Variants in AGBL1 observed in about 807,000 individuals in gnomAD.
AGBL1 encodes cytosolic carboxypeptidase 4.
Under a neutral mutation model 118.9 loss-of-function variants are expected in AGBL1, and 130 were observed. The observed-to-expected ratio is 1.09, with a 90% CI of 0.95 to 1.26. The LOEUF (loss-of-function observed/expected upper bound fraction) is 1.26. Ranked by LOEUF, AGBL1 falls within the 50% of genes most tolerant of loss-of-function variation. AGBL1 has a pLI of 0.00. For missense variants in AGBL1, 1,584 were observed against 1,298.1 expected (o/e 1.22, Z -3.38); for synonymous variants, 555 against 478.9 (o/e 1.16, Z -2.08).
chr15:86,567,895 G>A (rs898515175), intron 21 of AGBL1, among the ~76,000 whole-genome samples: 9 of 152,092 alleles, frequency 5.9e-5, no homozygotes, highest in African/African-American at 2.2e-4. Flanking sequence ...GCTGCCCAGA[G>A]ACCAGTTACT....
At chr15:86,803,527 G>T (rs970000834) in intron 22 of AGBL1, among the ~76,000 whole-genome samples, 1 of 152,066 alleles carries the variant, frequency 6.6e-6, no homozygotes, top group East Asian at 1.9e-4. Flanking sequence ...TATTTATCCT[G>T]CCTCGTTTCA....
At chr15:86,227,265 A>G (rs139042430) in intron 6 of AGBL1, among the ~76,000 whole-genome samples, 1,889 of 152,356 alleles carry the variant, frequency 0.012, 24 homozygotes, top group East Asian at 0.058. Flanking sequence ...TTAGTGTCCC[A>G]CTAGGAGGAT....
intron 18 of AGBL1, among the ~76,000 whole-genome samples, chr15:86,475,144 G>A (rs890598340): frequency 1.3e-5 from 2 of 152,118 alleles, no homozygotes; most frequent in African/African-American, 2.4e-5. Flanking sequence ...CAGAAAAGCT[G>A]AAAATTCTAA....
At chr15:86,517,153 G>C (rs1021722821) in intron 18 of AGBL1, among the ~76,000 whole-genome samples, 1 of 152,238 alleles carries the variant, frequency 6.6e-6, no homozygotes, top group South Asian at 2.1e-4. Context: ...CTCTGCTCCA[G>C]ATGAGATGCT....
chr15:86,835,570 G>T lies in AGBL1; in HGVS notation c.3159-71517G>T, dbSNP rs1365600209. 2.0e-5 allele frequency among the ~76,000 whole-genome samples: 3 copies of T among 152,000 alleles called. No homozygotes were observed. In the East Asian group the frequency reaches 5.8e-4, roughly 29 times the overall value. ...TGTCTATGGTGTTTCTGGTAAGCAGGTTCAAAAAAAGGGAGGAGAGAGAGA... is the reference window on the plus strand; with the variant it reads ...TGTCTATGGTGTTTCTGGTAAGCAGTTTCAAAAAAAGGGAGGAGAGAGAGA... On this transcript the variant is annotated intron_variant, in intron 22 of 22. Transcript: ENST00000614907.
At chr15:86,387,048 G>C (rs1194887420) in intron 17 of AGBL1, among the ~76,000 whole-genome samples, 2 of 152,070 alleles carry the variant, frequency 1.3e-5, no homozygotes, top group Non-Finnish European at 2.9e-5. Context: ...AGAGAAATAA[G>C]GTATGGAAAG....
At chr15:86,306,106 G>T (rs901150950) in intron 17 of AGBL1, among the ~76,000 whole-genome samples, 2 of 152,014 alleles carry the variant, frequency 1.3e-5, no homozygotes, top group African/African-American at 4.8e-5. Flanking sequence ...TGTGAAATAA[G>T]CACATCATGG....
chr15:86,768,943 A>G (rs745796867), intron 22 of AGBL1, among the ~76,000 whole-genome samples: 5 of 151,972 alleles, frequency 3.3e-5, no homozygotes, highest in Non-Finnish European at 7.4e-5. Context: ...CAGACACTGT[A>G]AAGGGTGTGA....
chr15:86,099,297 A>G (rs1896569305), intron 1 of AGBL1, among the ~76,000 whole-genome samples: 1 of 152,086 alleles, frequency 6.6e-6, no homozygotes, highest in Non-Finnish European at 1.5e-5. Flanking sequence ...TTTATTCCCA[A>G]GTATTTTATG....
rs533591511 is a variant in AGBL1 at position 86,182,148 on chromosome 15, A to T, written c.488+23122A>T. Among the ~76,000 whole-genome samples the T allele has an allele frequency of 3.3e-5, 5 of 152,176 alleles. No individual in the cohort carries two copies. The South Asian group carries it at 1.0e-3, about 32-fold the overall frequency. On this transcript the variant is annotated intron_variant, in intron 5 of 22. Coordinates refer to ENST00000614907, the MANE Select transcript of AGBL1 (RefSeq NM_001386094.1). ...TGGGACAAATAATTGGTTGGATATT[A>T]ATATAAGGTAACATTTGAGACGAGT...
intron 22 of AGBL1, among the ~76,000 whole-genome samples, chr15:86,801,061 A>G (rs890331994): frequency 6.6e-6 from 1 of 152,074 alleles, no homozygotes; most frequent in Admixed American, 6.6e-5. Context: ...TTGCCTTCAG[A>G]CAAAAAAACT....
chr15:86,315,289 T>C (rs1254049143), intron 17 of AGBL1, among the ~76,000 whole-genome samples: 5 of 152,200 alleles, frequency 3.3e-5, no homozygotes, highest in Non-Finnish European at 5.9e-5. Context: ...GCACTCACAT[T>C]TGGGCTTTCT....
At chr15:86,147,283 G>A (rs1354121858) in intron 3 of AGBL1, among the ~76,000 whole-genome samples, 1 of 152,182 alleles carries the variant, frequency 6.6e-6, no homozygotes, top group East Asian at 1.9e-4. Flanking sequence ...TGCAGCCCAT[G>A]GAGGGCAAGC....
intron 18 of AGBL1, among the ~76,000 whole-genome samples, chr15:86,412,046 C>A (rs1265031583): frequency 2.6e-5 from 4 of 152,306 alleles, no homozygotes; most frequent in African/African-American, 9.6e-5. Flanking sequence ...CTTGAAAAAT[C>A]TCTTTGTCAG....
At chr15:86,755,020 C>T (rs1319806930) in intron 22 of AGBL1, among the ~76,000 whole-genome samples, 1 of 152,042 alleles carries the variant, frequency 6.6e-6, no homozygotes, top group African/African-American at 2.4e-5. Flanking sequence ...TTATCAGAAA[C>T]CTTTCATTGC....
intron 7 of AGBL1, 64 bp from the exon 8 acceptor site, chr15:86,256,789 C>T (rs2078902081): frequency 6.5e-7 from 1 of 1,545,644 alleles, no homozygotes; most frequent in African/African-American, 1.4e-5. Flanking sequence ...GTGTTATTAG[C>T]TGTGTTACAG....
intron 18 of AGBL1, among the ~76,000 whole-genome samples, chr15:86,424,655 T>A (rs1465630760): frequency 1.3e-5 from 2 of 152,192 alleles, no homozygotes; most frequent in Admixed American, 1.3e-4. Flanking sequence ...AAAGGGCTAG[T>A]ATCCAGAATC....
intron 5 of AGBL1, among the ~76,000 whole-genome samples, chr15:86,202,617 G>A (rs776800843): frequency 2.6e-5 from 4 of 152,114 alleles, no homozygotes; most frequent in Non-Finnish European, 5.9e-5. Flanking sequence ...GTCAAACAGG[G>A]CAGAAGCTTT....
intron 21 of AGBL1, among the ~76,000 whole-genome samples, chr15:86,568,604 A>T (rs781324527): frequency 6.6e-6 from 1 of 152,216 alleles, no homozygotes; most frequent in Non-Finnish European, 1.5e-5. Context: ...ATGGGATGCT[A>T]ATCTTCTTAG....
Sources: gnomAD v4.1 joint callset for allele counts (sites outside exome capture counted in the v4.1 genomes callset) on GRCh38, gnomAD v4.1.1 for gene constraint, MANE v1.5 for transcripts, NCBI Gene and HGNC (gene_info 2026-07-23, HGNC 2026-07-21) for gene names.